PALS2: variants seen among roughly 807,000 people sequenced by gnomAD.
PALS2 encodes protein associated with LIN7 2, MAGUK p55 family member, also known as protein PALS2.
A neutral mutation model predicts 61.6 loss-of-function variants in PALS2; 27 were observed. The observed-to-expected ratio is 0.44, with a 90% confidence interval of 0.32 to 0.60. The LOEUF (loss-of-function observed/expected upper bound fraction) is 0.60. Among genes scored for constraint, PALS2 ranks in the 20% least tolerant of loss-of-function variants. PALS2 has a pLI of 0.05. For synonymous variants in PALS2, 236 were observed against 218.6 expected (o/e 1.08, Z -0.70); for missense variants, 554 against 639.4 (o/e 0.87, Z 1.44).
chr7:24,624,144 ACCT>A (rs1784638057), intron 2 of PALS2: 1 of 1,287,204 alleles, frequency 7.8e-7, no homozygotes. Flanking sequence ...TAGACTGTGT[ACCT>A]ACTTTTCATG....
chr7:24,624,440 C>A (rs1390776739), intron 2 of PALS2, among the ~76,000 whole-genome samples: 1 of 151,948 alleles, frequency 6.6e-6, no homozygotes, highest in Non-Finnish European at 1.5e-5. Flanking sequence ...CTTCATAGAG[C>A]CATCTTGTTC....
At chr7:24,639,427 C>T (rs1410125238) in intron 2 of PALS2, among the ~76,000 whole-genome samples, 1 of 151,950 alleles carries the variant, frequency 6.6e-6, no homozygotes, top group Non-Finnish European at 1.5e-5. Context: ...CACACACACA[C>T]ACACACTACT....
intron 11 of PALS2, among the ~76,000 whole-genome samples, chr7:24,682,582 T>C (rs1235527582): frequency 3.3e-5 from 5 of 152,204 alleles, no homozygotes; most frequent in African/African-American, 1.2e-4. Flanking sequence ...TTTTCTGTCT[T>C]TCTATGATCT....
Position 24,573,928 on chromosome 7 carries a change from C to G in PALS2, c.-3+335C>G, listed in dbSNP as rs964976177. The G allele has an allele frequency of 1.3e-5, 2 of 152,494 alleles. No homozygotes were observed. Among genetic ancestry groups the G allele is most frequent in the African/African-American group, 4.8e-5 (2 of 41,444 alleles). 9.4% of individuals were successfully genotyped at this position (152,494 alleles called of 1,614,324 possible). The stretch of plus-strand genomic sequence containing the variant: ...GCTTGCCGCCGCTCCCCACGCGCTC[C>G]CCGGCGCGGCCCCGACTGGGGCTAG... On this transcript the variant is annotated intron_variant, in intron 1 of 11. Transcript: ENST00000222644. The surrounding 1 kb of genome is among the most constrained non-coding windows in gnomAD (Gnocchi z 5.3).
At position 24,596,630 on chromosome 7, in the gene PALS2, A is replaced by C. The variant is rs1783534669; in HGVS notation, c.-3+23037A>C. On this transcript the variant is annotated intron_variant, in intron 1 of 11. Transcript: ENST00000222644. The surrounding 1 kb of genome is among the most constrained non-coding windows in gnomAD (Gnocchi z 4.5). The stretch of plus-strand genomic sequence containing the variant: ...TTGTTAATTAGTGGTTGGGTGAATA[A>C]AAATTTACTCAAAGCAGGACTACTA... Among the ~76,000 whole-genome samples the C allele has an allele frequency of 6.6e-6, 1 of 152,162 alleles. No homozygotes were observed. Among genetic ancestry groups the C allele is most frequent in the East Asian group, 1.9e-4 (1 of 5,196 alleles).
intron 5 of PALS2, 42 bp from the exon 6 acceptor site, chr7:24,663,548 G>A: frequency 6.6e-7 from 1 of 1,504,774 alleles, no homozygotes; most frequent in South Asian, 1.3e-5. Flanking sequence ...TCAGTGGCAA[G>A]TGATACAACT....
chr7:24,647,797 T>A (rs998111334), intron 3 of PALS2, among the ~76,000 whole-genome samples: 43 of 152,144 alleles, frequency 2.8e-4, no homozygotes, highest in African/African-American at 9.9e-4. Flanking sequence ...GATCTATGGA[T>A]TTTTTATTCA....
chr7:24,666,451 A>G (rs1284658561), intron 8 of PALS2, among the ~76,000 whole-genome samples: 1 of 152,198 alleles, frequency 6.6e-6, no homozygotes, highest in Non-Finnish European at 1.5e-5. Flanking sequence ...ATGTTAAAAG[A>G]GTTATGTTTA....
intron 6 of PALS2, among the ~76,000 whole-genome samples, chr7:24,664,715 T>C (rs908748732): frequency 6.6e-6 from 1 of 152,124 alleles, no homozygotes; most frequent in African/African-American, 2.4e-5. Flanking sequence ...TTAAACAGAA[T>C]CCATGATTTC....
chr7:24,577,589 T>C (rs1329830130), intron 1 of PALS2, among the ~76,000 whole-genome samples: 1 of 152,190 alleles, frequency 6.6e-6, no homozygotes, highest in Non-Finnish European at 1.5e-5. Context: ...CTTTTTGCTA[T>C]ATTTCATCTA....
intron 9 of PALS2, among the ~76,000 whole-genome samples, chr7:24,678,204 A>T (rs1296660269): frequency 6.6e-6 from 1 of 152,226 alleles, no homozygotes; most frequent in East Asian, 1.9e-4. Context: ...CAACAGTTTA[A>T]AAAATGGTAA....
chr7:24,607,541 A>G (rs1199695782), intron 1 of PALS2, among the ~76,000 whole-genome samples: 5 of 151,182 alleles, frequency 3.3e-5, no homozygotes, highest in Non-Finnish European at 5.9e-5. Flanking sequence ...GTATATATAC[A>G]CGTGTATATA....
chr7:24,648,181 G>A (rs2128076693), intron 3 of PALS2, among the ~76,000 whole-genome samples: 1 of 151,292 alleles, frequency 6.6e-6, no homozygotes, highest in African/African-American at 2.4e-5. Context: ...GTTAATATTT[G>A]CTTCTTTCTA....
intron 11 of PALS2, among the ~76,000 whole-genome samples, chr7:24,684,249 G>A (rs181828503): frequency 4.0e-4 from 61 of 152,160 alleles, no homozygotes; most frequent in African/African-American, 1.2e-3. Flanking sequence ...ACAGGCATGC[G>A]CCACCACACC....
chr7:24,605,260 T>G (rs1203136200), intron 1 of PALS2, among the ~76,000 whole-genome samples: 3 of 152,210 alleles, frequency 2.0e-5, no homozygotes, highest in Non-Finnish European at 4.4e-5. Context: ...ATGATGAAAT[T>G]CATTAGGATG....
intron 9 of PALS2, among the ~76,000 whole-genome samples, chr7:24,673,341 G>C (rs1008757732): frequency 6.6e-6 from 1 of 152,012 alleles, no homozygotes; most frequent in African/African-American, 2.4e-5. Flanking sequence ...TATTTATAAG[G>C]GATATTGGTC....
chr7:24,587,280 A>T (rs908107556), intron 1 of PALS2, among the ~76,000 whole-genome samples: 1 of 152,094 alleles, frequency 6.6e-6, no homozygotes, highest in Non-Finnish European at 1.5e-5. Flanking sequence ...CATATAGGGG[A>T]GGGGAAAGAG....
chr7:24,596,996 G>GA lies in PALS2; in HGVS notation c.-3+23410dup, dbSNP rs1415900555. The GA allele has an allele frequency of 6.6e-6, 1 of 152,050 alleles. No individual in the cohort carries two copies. Among genetic ancestry groups the GA allele is most frequent in the Admixed American group, 6.6e-5 (1 of 15,240 alleles). The allele number at this position is 152,050 out of a possible 1,614,324, so 9.4% of individuals were successfully genotyped here. A position where few individuals can be genotyped will look rare whatever the true frequency, so the allele number is the denominator to read the frequency against. On this transcript the variant is annotated intron_variant, in intron 1 of 11. Transcript: ENST00000222644. The surrounding 1 kb of genome is among the most constrained non-coding windows in gnomAD (Gnocchi z 4.5). ...TTAGATGTCTGGAGGTTAGGGAGAAGAAAAAAATTGGATGATTCTGAGATT... is the reference window on the plus strand; with the variant it reads ...TTAGATGTCTGGAGGTTAGGGAGAAGAAAAAAAATTGGATGATTCTGAGATT...
intron 5 of PALS2, among the ~76,000 whole-genome samples, chr7:24,652,529 C>T (rs1028163459): frequency 2.0e-5 from 3 of 151,900 alleles, no homozygotes; most frequent in South Asian, 4.2e-4. Context: ...GGCGTGTCCT[C>T]CCATAAAGAA....
Sources: allele counts gnomAD v4.1 joint callset (sites outside exome capture counted in the v4.1 genomes callset), GRCh38; gene constraint gnomAD v4.1.1; non-coding constraint Gnocchi (gnomAD v3.1); transcripts MANE v1.5; gene names NCBI Gene and HGNC (gene_info 2026-07-23, HGNC 2026-07-21).